The following PDCD4 variants were observed in gnomAD, a reference collection of about 807,000 sequenced individuals.
PDCD4 encodes the protein programmed cell death 4.
In PDCD4, 56 loss-of-function variants were observed where a neutral mutation model predicts 54.0. The observed-to-expected ratio is 1.04, with a 90% CI of 0.84 to 1.30. The LOEUF (loss-of-function observed/expected upper bound fraction) is 1.30. PDCD4 is among the 50% of genes most tolerant of loss of function. The probability of loss-of-function intolerance (pLI) is 0.00; values close to 1 mark genes in which losing one functional copy is unlikely to be tolerated. For synonymous variants in PDCD4, 186 were observed against 194.8 expected (o/e 0.95, Z 0.37); for missense variants, 584 against 559.8 (o/e 1.04, Z -0.44).
rs777444760 is a variant in PDCD4 at position 110,895,967 on chromosome 10, A to G, written c.1229A>G (p.Asn410Ser). Residue 410 changes from asparagine to serine, a missense_variant, in exon 11 of 12, where the codon AAT becomes AGT. Physicochemically the swap from Asn to Ser is conservative, Grantham distance 46. Transcript: ENST00000280154. ...TTGTAGGGTTATGAGAGAATTTACA[A>G]TGAAATTCCGGACATTAATCTGGAT... ...QMKRGYERIYNEIPDINLDVP... is the reference protein window; with the variant it reads ...QMKRGYERIYSEIPDINLDVP... 32 of 1,601,876 alleles carry G rather than the reference A, an allele frequency of 2.0e-5. No homozygotes were observed. The South Asian group carries it at 2.5e-4, about 12-fold the overall frequency.
chr10:110,896,461 T>C (rs1279445805), intron 11 of PDCD4, among the ~76,000 whole-genome samples: 2 of 152,182 alleles, frequency 1.3e-5, no homozygotes, highest in African/African-American at 4.8e-5. Flanking sequence ...AGGACTTTTC[T>C]GGCTTCAAAG....
chr10:110,879,047 C>T (rs961342542), intron 2 of PDCD4, among the ~76,000 whole-genome samples: 1 of 152,170 alleles, frequency 6.6e-6, no homozygotes, highest in African/African-American at 2.4e-5. Context: ...TTTGACTTCT[C>T]TTTAATCCTA....
At chr10:110,896,193 T>G in intron 11 of PDCD4, 106 bp downstream of exon 11, 1 of 805,088 alleles carries the variant, frequency 1.2e-6, no homozygotes, top group East Asian at 2.8e-5. Flanking sequence ...CTGAAGAACG[T>G]GACTCTTGTG....
intron 5 of PDCD4, among the ~76,000 whole-genome samples, chr10:110,886,336 G>C (rs1845669022): frequency 6.6e-6 from 1 of 152,138 alleles, no homozygotes; most frequent in Non-Finnish European, 1.5e-5. Flanking sequence ...GAGAGTAATA[G>C]TAGAGATGAT....
At chr10:110,875,896 A>G (rs1845496535) in intron 1 of PDCD4, 70 bp from the exon 2 acceptor site, 2 of 606,584 alleles carry the variant, frequency 3.3e-6, no homozygotes, top group Non-Finnish European at 5.6e-6. Context: ...TGCTTAAGTA[A>G]GTTTAATTCA....
intron 5 of PDCD4, 45 bp downstream of exon 5, chr10:110,885,411 A>ATATTTT: frequency 3.5e-6 from 3 of 855,346 alleles, no homozygotes; most frequent in Non-Finnish European, 5.7e-6. Context: ...ATAGGAGAGA[A>ATATTTT]GACATCTTTT....
At chr10:110,895,091 A>G (rs1298346605) in intron 10 of PDCD4, among the ~76,000 whole-genome samples, 8 of 152,074 alleles carry the variant, frequency 5.3e-5, no homozygotes, top group African/African-American at 1.9e-4. Context: ...TTAATTTTAG[A>G]TATCAGAGGG....
At position 110,885,391 on chromosome 10, in the gene PDCD4, T is replaced by C. The variant is rs375450000; in HGVS notation, c.555+25T>C. The C allele has an allele frequency of 1.2e-5, 13 of 1,053,524 alleles. No individual in the cohort carries two copies. In the African/African-American group the frequency reaches 1.9e-4, roughly 16 times the overall value. 65.3% of individuals were successfully genotyped at this position (1,053,524 alleles called of 1,614,324 possible). A position where few individuals can be genotyped will look rare whatever the true frequency, so the allele number is the denominator to read the frequency against. ...GGTAGGTTTAAAGTTGCAAGTATAA[T>C]TTATTTAATATAGGAGAGAAGACAT... is the stretch of plus-strand genomic sequence containing the variant. On this transcript the variant is annotated intron_variant, in intron 5 of 11. Transcript: ENST00000280154.
At chr10:110,891,997 C>T (rs1450668599) in intron 8 of PDCD4, among the ~76,000 whole-genome samples, 1 of 152,008 alleles carries the variant, frequency 6.6e-6, no homozygotes, top group African/African-American at 2.4e-5. Context: ...TGAAACCAAA[C>T]TATTAACTAA....
chr10:110,881,161 C>A, intron 2 of PDCD4, 72 bp from the exon 3 acceptor site: 3 of 1,133,330 alleles, frequency 2.6e-6, no homozygotes, highest in South Asian at 1.5e-5. Context: ...CCTAATCTAA[C>A]TTACCACTAT....
chr10:110,895,829 C>G (rs950611767), intron 10 of PDCD4, 119 bp from the exon 11 acceptor site: 96 of 686,716 alleles, frequency 1.4e-4, no homozygotes, highest in Non-Finnish European at 9.5e-6. Flanking sequence ...AATCTGACTT[C>G]AGTTTAACCA....
At chr10:110,883,681 C>A (rs1845626746) in intron 4 of PDCD4, among the ~76,000 whole-genome samples, 1 of 151,974 alleles carries the variant, frequency 6.6e-6, no homozygotes, top group South Asian at 2.1e-4. Context: ...GCCCCTTTGC[C>A]CCACCCTGTT....
chr10:110,881,612 CT>C lies in PDCD4; in HGVS notation c.346+79del, dbSNP rs1393641717. The C allele has an allele frequency of 3.1e-5, 38 of 1,207,548 alleles. No homozygotes were observed. In the African/African-American group the frequency reaches 5.6e-4, roughly 18 times the overall value. 74.8% of individuals were successfully genotyped at this position (1,207,548 alleles called of 1,614,324 possible). On this transcript the variant is annotated intron_variant, in intron 3 of 11. Transcript: ENST00000280154. Reference sequence around the variant, plus strand: ...TGTCTGGTTCTTGTACTACACTTTCCTTGTTCTAGGAATGAGAGAGATTCAA... The same window carrying C: ...TGTCTGGTTCTTGTACTACACTTTCCTGTTCTAGGAATGAGAGAGATTCAA...
Position 110,881,554 on chromosome 10 carries a change from C to T in PDCD4, c.346+19C>T, listed in dbSNP as rs1159684949. 2 of 1,572,166 alleles carry T rather than the reference C, an allele frequency of 1.3e-6. No individual in the cohort carries two copies. The highest frequency in any genetic ancestry group is 1.7e-6 in the Non-Finnish European group (2 of 1,156,040). On this transcript the variant is annotated intron_variant, in intron 3 of 11. Transcript: ENST00000280154. ...AAGAAAGGTTGGTATATATCATGTC[C>T]AACAAATGGAAGATAAACAAGTGGA...
In PDCD4 at chr10:110,887,397, A is replaced by T. The variant is rs546173208; in HGVS notation, c.556-268A>T. Among the ~76,000 whole-genome samples, 371 of 152,322 alleles carry T rather than the reference A, an allele frequency of 2.4e-3. 3 individuals carry two copies. Among genetic ancestry groups the T allele is most frequent in the African/African-American group, 8.3e-3 (347 of 41,586 alleles). ...TCAGAATGTATCTGTGTCGTGACCC[A>T]TGACAGTATTTTAAAGGTATTTCAC... On this transcript the variant is annotated intron_variant, in intron 5 of 11. Transcript: ENST00000280154.
intron 5 of PDCD4, 51 bp downstream of exon 5, chr10:110,885,417 C>A: frequency 1.3e-6 from 1 of 769,650 alleles, no homozygotes; most frequent in Non-Finnish European, 2.2e-6. Context: ...GAGAAGACAT[C>A]TTTTATAAGC....
At chr10:110,883,837 T>C (rs1845629388) in intron 4 of PDCD4, among the ~76,000 whole-genome samples, 1 of 152,250 alleles carries the variant, frequency 6.6e-6, no homozygotes, top group Admixed American at 6.5e-5. Context: ...GTGTTGTATG[T>C]ATGTATTTAA....
chr10:110,893,906 A>G (rs2273934), intron 8 of PDCD4, among the ~76,000 whole-genome samples, 185 bp from the exon 9 acceptor site: 8,967 of 152,140 alleles, frequency 0.059, 306 homozygotes, highest in East Asian at 0.1. Context: ...CCATTTAAAA[A>G]TTGGGGATTT....
intron 3 of PDCD4, among the ~76,000 whole-genome samples, chr10:110,882,644 A>G (rs1170233750): frequency 1.3e-5 from 2 of 152,148 alleles, no homozygotes; most frequent in East Asian, 3.8e-4. Flanking sequence ...CCGGCCCAGA[A>G]TGTTTCTTTT....
Sources: gnomAD v4.1 joint callset for allele counts (sites outside exome capture counted in the v4.1 genomes callset) on GRCh38, gnomAD v4.1.1 for gene constraint, MANE v1.5 for transcripts, NCBI Gene and HGNC (gene_info 2026-07-23, HGNC 2026-07-21) for gene names.